The following MCC variants were observed in gnomAD, a reference collection of about 807,000 sequenced individuals.
MCC encodes the protein MCC regulator of Wnt signaling pathway, also known as colorectal mutant cancer protein.
A neutral mutation model predicts 116.2 loss-of-function variants in MCC; 90 were observed. The ratio of observed to expected loss-of-function variants is 0.77; its 90% CI spans 0.65 to 0.92. The LOEUF (loss-of-function observed/expected upper bound fraction) is 0.92. Ranked by LOEUF, MCC falls within the 40% of genes least tolerant of loss-of-function variation. MCC has a pLI of 0.00. For synonymous variants in MCC, 578 were observed against 510.5 expected (o/e 1.13, Z -1.78); for missense variants, 1,516 against 1,312.2 (o/e 1.16, Z -2.40).
chr5:113,282,955 T>C (rs1307340266), intron 3 of MCC, among the ~76,000 whole-genome samples: 2 of 152,222 alleles, frequency 1.3e-5, no homozygotes, highest in African/African-American at 4.8e-5. Context: ...GGTGGAAAAC[T>C]GTTACTCTTC....
intron 3 of MCC, among the ~76,000 whole-genome samples, chr5:113,302,459 T>A (rs1173457396): frequency 6.6e-6 from 1 of 152,194 alleles, no homozygotes; most frequent in East Asian, 1.9e-4. Flanking sequence ...CTATAAAAAA[T>A]TATGAATTGT....
intron 3 of MCC, among the ~76,000 whole-genome samples, chr5:113,189,339 C>T (rs1021891433): frequency 3.3e-5 from 5 of 152,204 alleles, no homozygotes; most frequent in African/African-American, 1.2e-4. Flanking sequence ...CAGAAGAAAG[C>T]ACCTTTGAAG....
intron 3 of MCC, among the ~76,000 whole-genome samples, chr5:113,178,482 T>G (rs1761452119): frequency 6.6e-6 from 1 of 152,116 alleles, no homozygotes; most frequent in Non-Finnish European, 1.5e-5. Flanking sequence ...AGGGATATAT[T>G]GGGAAGGGTT....
At chr5:113,346,639 AAAC>A (rs1287582004) in intron 2 of MCC, among the ~76,000 whole-genome samples, 22 of 146,848 alleles carry the variant, frequency 1.5e-4, no homozygotes, top group African/African-American at 5.6e-4. Flanking sequence ...ACAACAAAAA[AAAC>A]AACAAAAAGT....
At chr5:113,268,794 A>G (rs1410319870) in intron 3 of MCC, among the ~76,000 whole-genome samples, 2 of 152,182 alleles carry the variant, frequency 1.3e-5, no homozygotes, top group African/African-American at 4.8e-5. Context: ...AGTTTTAACA[A>G]GCATCTAGAA....
intron 4 of MCC, 149 bp from the exon 5 acceptor site, chr5:113,143,509 C>T (rs1029820036): frequency 5.0e-6 from 4 of 799,686 alleles, no homozygotes; most frequent in Non-Finnish European, 7.9e-6. Flanking sequence ...CTGGCAATCC[C>T]AGGAAACATA....
intron 5 of MCC, 37 bp from the exon 6 acceptor site, chr5:113,122,863 G>A: frequency 6.2e-7 from 1 of 1,604,726 alleles, no homozygotes; most frequent in Non-Finnish European, 8.5e-7. Flanking sequence ...ACTAACAGAG[G>A]ATATAAGACA....
intron 2 of MCC, among the ~76,000 whole-genome samples, chr5:113,376,746 A>C (rs1768996090): frequency 6.6e-6 from 1 of 152,180 alleles, no homozygotes; most frequent in Non-Finnish European, 1.5e-5. Context: ...TGGTAGTGAC[A>C]GCACCTTGAT....
At chr5:113,135,097 A>T (rs1758730811) in intron 5 of MCC, among the ~76,000 whole-genome samples, 1 of 150,760 alleles carries the variant, frequency 6.6e-6, no homozygotes, top group South Asian at 2.1e-4. Flanking sequence ...CTGCCACCAC[A>T]CCTGGCTAAT....
intron 8 of MCC, among the ~76,000 whole-genome samples, chr5:113,097,076 T>A (rs751155306): frequency 6.6e-6 from 1 of 151,940 alleles, no homozygotes; most frequent in Admixed American, 6.6e-5. Flanking sequence ...GAAATTCCCA[T>A]GAAGAAATGG....
chr5:113,331,915 G>C (rs1252244852), intron 3 of MCC, among the ~76,000 whole-genome samples: 3 of 151,592 alleles, frequency 2.0e-5, no homozygotes, highest in Non-Finnish European at 4.4e-5. Context: ...GGGATTACAG[G>C]TGTGAGCCAC....
chr5:113,418,738 T>C (rs1273771679), intron 1 of MCC, among the ~76,000 whole-genome samples: 1 of 151,558 alleles, frequency 6.6e-6, no homozygotes, highest in Non-Finnish European at 1.5e-5. Flanking sequence ...AAAGTAGCCA[T>C]TTAGCAAAGT....
At chr5:113,449,168 A>G (rs189737379) in intron 1 of MCC, among the ~76,000 whole-genome samples, 13 of 152,324 alleles carry the variant, frequency 8.5e-5, no homozygotes, top group Admixed American at 4.6e-4. Context: ...GGGTCAGAGA[A>G]GATCCTTACT....
intron 3 of MCC, among the ~76,000 whole-genome samples, chr5:113,283,663 C>A (rs576771208): frequency 3.9e-5 from 6 of 152,144 alleles, no homozygotes; most frequent in African/African-American, 1.2e-4. Flanking sequence ...TTATTCCCCC[C>A]GCAAAAAGAA....
intron 1 of MCC, among the ~76,000 whole-genome samples, chr5:113,475,722 T>C (rs563519893): frequency 3.9e-5 from 6 of 152,314 alleles, no homozygotes; most frequent in Admixed American, 3.9e-4. Flanking sequence ...ACATTTTAAA[T>C]GTCATTCCTA....
chr5:113,096,495 G>A (rs138629400), intron 8 of MCC, among the ~76,000 whole-genome samples: 31 of 152,258 alleles, frequency 2.0e-4, no homozygotes, highest in African/African-American at 7.5e-4. Flanking sequence ...TCTGATTCAC[G>A]GCCAAGCCCG....
At chr5:113,161,795 C>A (rs1760502381) in intron 3 of MCC, among the ~76,000 whole-genome samples, 1 of 152,178 alleles carries the variant, frequency 6.6e-6, no homozygotes, top group Admixed American at 6.5e-5. Context: ...AAGATGTCAG[C>A]TATTTAGATA....
chr5:113,137,784 C>G (rs1758926670), intron 5 of MCC, among the ~76,000 whole-genome samples: 1 of 152,172 alleles, frequency 6.6e-6, no homozygotes, highest in Admixed American at 6.5e-5. Context: ...CCACAAAACA[C>G]AGCACCATAT....
chr5:113,306,488 CT>C (rs1766987604), intron 3 of MCC, among the ~76,000 whole-genome samples: 2 of 152,144 alleles, frequency 1.3e-5, no homozygotes, highest in Admixed American at 1.3e-4. Flanking sequence ...TGTTGAACAT[CT>C]TTTCATGTGT....
Sources: gnomAD v4.1 joint callset for allele counts (sites outside exome capture counted in the v4.1 genomes callset) on GRCh38, gnomAD v4.1.1 for gene constraint, MANE v1.5 for transcripts, NCBI Gene and HGNC (gene_info 2026-07-23, HGNC 2026-07-21) for gene names.